Variants in SZT2 observed in about 807,000 individuals in gnomAD.
The protein encoded by SZT2 is SZT2 subunit of KICSTOR complex.
Under a neutral mutation model 404.2 loss-of-function variants are expected in SZT2, and 216 were observed. The observed-to-expected ratio is 0.53, with a 90% CI of 0.48 to 0.60. SZT2 has a LOEUF of 0.60. Ranked by LOEUF, SZT2 falls within the 20% of genes least tolerant of loss-of-function variation. SZT2 has a pLI of 0.00. For synonymous variants in SZT2, 1,693 were observed against 1,749.9 expected, an observed-to-expected ratio of 0.97 and a Z score of 0.81; for missense variants, 3,857 against 4,459.2, an observed-to-expected ratio of 0.86 and a Z score of 3.85.
chr1:43,428,003 G>A lies in SZT2; in HGVS notation c.3804G>A (p.Arg1268=), dbSNP rs1653387488. Residue 1268 remains arginine, a splice_region_variant and synonymous_variant, in exon 27 of 72, where the codon CGG becomes CGA. Coordinates refer to ENST00000634258, the MANE Select transcript of SZT2 (RefSeq NM_001365999.1). ...PPQAPRDLIF[R]TQFLDHPSPS... is the part of the protein sequence containing the mutation. ...GTTCCATTTTCCCTTCGTTTCCTAG[G>A]ACTCAGTTCCTCGACCACCCCTCCC... 6.2e-7 allele frequency: 1 copy of A among 1,613,468 alleles called. No individual in the cohort carries two copies. Among genetic ancestry groups the A allele is most frequent in the Middle Eastern group, 1.6e-4 (1 of 6,062 alleles).
At chr1:43,391,309 C>T (rs111288020) in intron 1 of SZT2, among the ~76,000 whole-genome samples, 30,611 of 150,238 alleles carry the variant, frequency 0.2, 3,360 homozygotes, top group East Asian at 0.41. Context: ...AGTGAAACTC[C>T]GTCTCAAAAA....
At chr1:43,397,044 G>A (rs1443981588) in intron 1 of SZT2, among the ~76,000 whole-genome samples, 2 of 152,216 alleles carry the variant, frequency 1.3e-5, no homozygotes, top group Admixed American at 6.5e-5. Context: ...CAGCTTGTGA[G>A]ATTAGTTTTC....
rs2153939241 is a variant in SZT2, at chr1:43,454,114, C to T, written c.*3634C>T. 5.0e-6 allele frequency: 5 copies of T among 990,608 alleles called. No individual in the cohort carries two copies. Among genetic ancestry groups the T allele is most frequent in the East Asian group, 1.3e-4 (2 of 15,880 alleles). The allele number at this position is 990,608 out of a possible 1,614,324, so 61.4% of individuals were successfully genotyped here. A position where few individuals can be genotyped will look rare whatever the true frequency, so the allele number is the denominator to read the frequency against. On this transcript the variant is annotated 3_prime_UTR_variant, in exon 72 of 72. Coordinates refer to ENST00000634258, the MANE Select transcript of SZT2 (RefSeq NM_001365999.1). ...CGCGAAGCAAGAGAGAGCTGGCTGC[C>T]CGAGGGCCCGGTTGCAATGATGGGA...
chr1:43,398,602 C>T (rs1649282231), intron 1 of SZT2, among the ~76,000 whole-genome samples: 1 of 152,194 alleles, frequency 6.6e-6, no homozygotes, highest in Non-Finnish European at 1.5e-5. Flanking sequence ...TTTAGTATCC[C>T]ACCCTAAAAC....
Position 43,452,573 on chromosome 1 carries a change from G to C in SZT2, c.*2093G>C, listed in dbSNP as rs916773427. On this transcript the variant is annotated 3_prime_UTR_variant, in exon 72 of 72. Coordinates refer to ENST00000634258, the MANE Select transcript of SZT2 (RefSeq NM_001365999.1). ...ACTTTCCAAAACCTTTCCTTCCCTC[G>C]GTCCTTCTCCGCAACCTGTAACCTG... is the stretch of plus-strand genomic sequence containing the variant. The C allele has an allele frequency of 6.5e-6, 4 of 611,330 alleles. No individual in the cohort carries two copies. The highest frequency in any genetic ancestry group is 2.6e-5 in the Admixed American group (1 of 38,494). 37.9% of individuals were successfully genotyped at this position (611,330 alleles called of 1,614,324 possible).
chr1:43,431,557 C>G, intron 35 of SZT2, 34 bp downstream of exon 35: 3 of 1,613,184 alleles, frequency 1.9e-6, no homozygotes, highest in Non-Finnish European at 2.5e-6. Context: ...GTAACTGATT[C>G]CCTTTCCATC....
At position 43,425,985 on chromosome 1, in the gene SZT2, G is replaced by C. The variant is rs775871820; in HGVS notation, c.2929+36G>C. ...CAGGCGGCCCACTGGTGGAGCAGGG[G>C]AGTGGGTAGGGTAATCTGCGTCTCA... On this transcript the variant is annotated intron_variant, in intron 20 of 71. Transcript: ENST00000634258. This position sits in a 1 kb window ranked among gnomAD's most constrained non-coding sequence, Gnocchi z 4.3. 8.1e-6 allele frequency: 13 copies of C among 1,612,226 alleles called. No individual in the cohort carries two copies. In the Admixed American group the frequency reaches 8.3e-5, roughly 10 times the overall value.
intron 3 of SZT2, 47 bp downstream of exon 3, chr1:43,403,821 G>A (rs147598651): frequency 2.5e-6 from 4 of 1,598,182 alleles, no homozygotes; most frequent in African/African-American, 1.3e-5. Flanking sequence ...GGGGTGGGGT[G>A]TGAGGAGAGG....
chr1:43,430,794 G>A lies in SZT2; in HGVS notation c.4774+5G>A. On this transcript the variant is annotated splice_donor_5th_base_variant and intron_variant, in intron 32 of 71. Transcript: ENST00000634258. ...GCAGCCTGCCTACCTGCCTGGGTGA[G>A]TTTGAGGCAGCCCGAGGGAAAGCCA... 1 of 1,604,750 alleles carries A rather than the reference G, an allele frequency of 6.2e-7. No individual in the cohort carries two copies. The highest frequency in any genetic ancestry group is 2.2e-5 in the East Asian group (1 of 44,788).
chr1:43,438,055 G>A (rs1017629166), intron 46 of SZT2, 153 bp downstream of exon 46: 49 of 735,140 alleles, frequency 6.7e-5, no homozygotes, highest in Non-Finnish European at 1.1e-4. Context: ...AATACTAGCT[G>A]GAGGCTCCAG....
In SZT2 at chr1:43,428,307, C is replaced by T. The variant is rs558274739; in HGVS notation, c.3987C>T (p.Ala1329=). ...AGGATTTGCTGACAGCGGTAGATGC[C>T]TGTGAGGAGCTACTACAAGAAATAG... ...TSQDLLTAVD[A]CEELLQEIDI... Residue 1329 remains alanine (A), a synonymous_variant, in exon 28 of 72, where the codon GCC becomes GCT. Transcript: ENST00000634258. 3 of 1,614,038 alleles carry T rather than the reference C, an allele frequency of 1.9e-6. No individual in the cohort carries two copies. Among genetic ancestry groups the T allele is most frequent in the Non-Finnish European group, 2.5e-6 (3 of 1,180,032 alleles).
intron 1 of SZT2, among the ~76,000 whole-genome samples, chr1:43,402,475 A>G (rs981169726): frequency 6.6e-6 from 1 of 152,234 alleles, no homozygotes; most frequent in Non-Finnish European, 1.5e-5. Context: ...TTTCTGTCCA[A>G]GTGCAGCTGC....
chr1:43,431,408 C>T, intron 34 of SZT2, 36 bp downstream of exon 34: 2 of 1,613,298 alleles, frequency 1.2e-6, no homozygotes, highest in Non-Finnish European at 1.7e-6. Context: ...TTCATTACTG[C>T]TTTTCAATTT....
In SZT2 at chr1:43,427,175, C is replaced by G. The variant is rs1653255959; in HGVS notation, c.3429C>G (p.Phe1143Leu). 2 of 1,614,192 alleles carry G rather than the reference C, an allele frequency of 1.2e-6. No individual in the cohort carries two copies. The highest frequency in any genetic ancestry group is 4.5e-5 in the East Asian group (2 of 44,880). Residue 1143 changes from phenylalanine (F) to leucine (L), a missense_variant, in exon 24 of 72, where the codon TTC becomes TTG. Physicochemically the swap from Phe to Leu is conservative, Grantham distance 22. Around this residue, in one of 7 missense-constraint regions of SZT2, gnomAD observed 1,725 missense variants for 1,881.0 expected, o/e 0.92. Transcript: ENST00000634258. Reference protein sequence around the residue: ...HVFLTFLPATFSDVQRLAACG... With the variant: ...HVFLTFLPATLSDVQRLAACG... Reference sequence around the variant, plus strand: ...TTCTGACTTTTCTCCCAGCTACCTTCTCAGGTGCCAGCTGCTGACCTCCTC... The same window carrying G: ...TTCTGACTTTTCTCCCAGCTACCTTGTCAGGTGCCAGCTGCTGACCTCCTC...
At position 43,453,414 on chromosome 1, in the gene SZT2, G is replaced by A. The variant is rs867461845; in HGVS notation, c.*2934G>A. 6.4e-7 allele frequency: 1 copy of A among 1,557,708 alleles called. No homozygotes were observed. Among genetic ancestry groups the A allele is most frequent in the Non-Finnish European group, 8.7e-7 (1 of 1,149,944 alleles). ...GGACAGCCCAGGGCTTTGGCATACCGCACGGCCTGCTCCAGTCCCTCTCGG... is the reference window on the plus strand; with the variant it reads ...GGACAGCCCAGGGCTTTGGCATACCACACGGCCTGCTCCAGTCCCTCTCGG... On this transcript the variant is annotated 3_prime_UTR_variant, in exon 72 of 72. Transcript: ENST00000634258.
intron 10 of SZT2, 73 bp downstream of exon 10, chr1:43,421,056 C>T (rs992134343): frequency 1.3e-5 from 20 of 1,592,858 alleles, no homozygotes; most frequent in Admixed American, 1.7e-5. Flanking sequence ...AAGGCGGGAG[C>T]TGGGGAGCAT....
chr1:43,404,692 A>G, intron 4 of SZT2, 142 bp downstream of exon 4: 1 of 795,304 alleles, frequency 1.3e-6, no homozygotes, highest in African/African-American at 1.7e-5. Flanking sequence ...AGTCATCCTC[A>G]TGAGTCTCTC....
rs778599953 is a variant in SZT2 at position 43,424,283 on chromosome 1, G to C, written c.2322G>C (p.Leu774=). The C allele has an allele frequency of 2.5e-6, 4 of 1,598,008 alleles. No homozygotes were observed. Among genetic ancestry groups the C allele is most frequent in the Non-Finnish European group, 3.4e-6 (4 of 1,179,570 alleles). Residue 774 remains leucine (L), a synonymous_variant, in exon 16 of 72, where the codon CTG becomes CTC. Coordinates refer to ENST00000634258, the MANE Select transcript of SZT2 (RefSeq NM_001365999.1). This position sits in a 1 kb window ranked among gnomAD's most constrained non-coding sequence, Gnocchi z 4.1. The stretch of plus-strand genomic sequence containing the variant: ...TGACATTGGAGCCACCAGGTCCACT[G>C]CCCTTGGTGTCAGGCCGCTCAGCCT... The part of the protein sequence containing the change: ...FLLTLEPPGP[L]PLVSGRSASS...
chr1:43,448,539 G>A lies in SZT2; in HGVS notation c.9969+55G>A. The stretch of plus-strand genomic sequence containing the variant: ...GGGATAGGTGCCAGGAATTCCACTG[G>A]CAGCCAGGGCAGAGGGCACAGGAAT... On this transcript the variant is annotated intron_variant, in intron 69 of 71. Transcript: ENST00000634258. The surrounding 1 kb of genome is among the most constrained non-coding windows in gnomAD (Gnocchi z 4.2). The A allele has an allele frequency of 1.2e-6, 2 of 1,611,074 alleles. No individual in the cohort carries two copies. Among genetic ancestry groups the A allele is most frequent in the South Asian group, 2.2e-5 (2 of 90,970 alleles).
Sources: allele counts gnomAD v4.1 joint callset (sites outside exome capture counted in the v4.1 genomes callset), GRCh38; gene constraint gnomAD v4.1.1; regional missense constraint gnomAD v4.1.1; non-coding constraint Gnocchi (gnomAD v3.1); transcripts MANE v1.5; gene names NCBI Gene and HGNC (gene_info 2026-07-23, HGNC 2026-07-21).